NEGR1: variants seen among roughly 807,000 people sequenced by gnomAD.
NEGR1 encodes the protein IgLON family member 4.
Under a neutral mutation model 40.9 loss-of-function variants are expected in NEGR1, and 10 were observed. The observed-to-expected ratio is 0.24, with a 90% CI of 0.15 to 0.42. The LOEUF (loss-of-function observed/expected upper bound fraction) is 0.42. Among genes scored for constraint, NEGR1 ranks in the 10% least tolerant of loss-of-function variants. The pLI is 1.00. For synonymous variants in NEGR1, 185 were observed against 166.8 expected (o/e 1.11, Z -0.84); for missense variants, 352 against 438.9 (o/e 0.80, Z 1.77).
chr1:72,252,763 G>C (rs998863053), intron 1 of NEGR1, among the ~76,000 whole-genome samples: 1 of 152,054 alleles, frequency 6.6e-6, no homozygotes, highest in Non-Finnish European at 1.5e-5. Flanking sequence ...TGTCCATTTG[G>C]GGGTACAGAC....
intron 3 of NEGR1, among the ~76,000 whole-genome samples, chr1:71,724,501 T>C (rs1654610921): frequency 6.6e-6 from 1 of 152,220 alleles, no homozygotes; most frequent in African/African-American, 2.4e-5. Context: ...TTCTTGCTTC[T>C]TTGCATTCCT....
At chr1:71,896,603 T>G (rs1439494573) in intron 2 of NEGR1, among the ~76,000 whole-genome samples, 1 of 152,194 alleles carries the variant, frequency 6.6e-6, no homozygotes, top group East Asian at 1.9e-4. Context: ...TTGTCAAATC[T>G]AAAAAACCAT....
chr1:72,282,491 C>G lies in NEGR1; in HGVS notation c.4G>C (p.Asp2His). The G allele has an allele frequency of 2.5e-6, 4 of 1,611,818 alleles. No homozygotes were observed. The South Asian group carries it at 3.3e-5, about 13-fold the overall frequency. M[D>H]MMLLVQGACC... Reference sequence around the variant, plus strand: ...GCACCCTGCACCAACAGCATCATGTCCATCCCTGCTAGGGCTGCTCACTCT... The same window carrying G: ...GCACCCTGCACCAACAGCATCATGTGCATCCCTGCTAGGGCTGCTCACTCT... Residue 2 changes from aspartate to histidine, a missense_variant, in exon 1 of 7, where the codon GAC becomes CAC. Coordinates refer to ENST00000357731, the MANE Select transcript of NEGR1 (RefSeq NM_173808.3).
At chr1:71,821,131 A>C (rs1289225854) in intron 2 of NEGR1, among the ~76,000 whole-genome samples, 1 of 152,024 alleles carries the variant, frequency 6.6e-6, no homozygotes, top group African/African-American at 2.4e-5. Context: ...ATTAATTTAT[A>C]GTTTTGCCTC....
At chr1:72,112,263 GT>G (rs200271583) in intron 1 of NEGR1, among the ~76,000 whole-genome samples, 1 of 125,570 alleles carries the variant, frequency 8.0e-6, no homozygotes, top group African/African-American at 3.3e-5. Context: ...ACACTTTTAC[GT>G]TTAAAAAAAA....
chr1:71,699,408 A>G (rs1653603975), intron 3 of NEGR1, among the ~76,000 whole-genome samples: 1 of 151,838 alleles, frequency 6.6e-6, no homozygotes, highest in South Asian at 2.1e-4. Flanking sequence ...ATTAAGTCGT[A>G]TTTCCATTTA....
intron 3 of NEGR1, among the ~76,000 whole-genome samples, chr1:71,724,482 C>A (rs1353406410): frequency 6.6e-6 from 1 of 152,032 alleles, no homozygotes; most frequent in African/African-American, 2.4e-5. Flanking sequence ...CCTCTTTTTG[C>A]ATCATATTTT....
chr1:72,002,546 G>A (rs1202631516), intron 1 of NEGR1, among the ~76,000 whole-genome samples: 5 of 151,992 alleles, frequency 3.3e-5, no homozygotes, highest in Admixed American at 6.6e-5. Context: ...ATAACCATTA[G>A]AGAACAGTAA....
rs545598020 is a variant in NEGR1, at chr1:71,590,707, T to C, written c.940+2110A>G. 1.8e-4 allele frequency among the ~76,000 whole-genome samples: 28 copies of C among 152,278 alleles called. No individual in the cohort carries two copies. In the South Asian group the frequency reaches 5.6e-3, roughly 30 times the overall value. On this transcript the variant is annotated intron_variant, in intron 6 of 6. Coordinates refer to ENST00000357731, the MANE Select transcript of NEGR1 (RefSeq NM_173808.3). Reference sequence around the variant, plus strand: ...TGTGAGAATTAAATGAACAAGTTTATATAAAAAATAAGAATAGGGTCTGTT... The same window carrying C: ...TGTGAGAATTAAATGAACAAGTTTACATAAAAAATAAGAATAGGGTCTGTT...
At chr1:72,150,798 A>T (rs955818105) in intron 1 of NEGR1, among the ~76,000 whole-genome samples, 1 of 152,118 alleles carries the variant, frequency 6.6e-6, no homozygotes, top group African/African-American at 2.4e-5. Context: ...AAGCCAAAAA[A>T]TGGTAATTTT....
chr1:71,884,423 A>G (rs1660668308), intron 2 of NEGR1, among the ~76,000 whole-genome samples: 1 of 152,172 alleles, frequency 6.6e-6, no homozygotes, highest in Admixed American at 6.6e-5. Flanking sequence ...GATCATTCAA[A>G]TATTAGTTCA....
intron 2 of NEGR1, among the ~76,000 whole-genome samples, chr1:71,825,871 T>C (rs1403461802): frequency 6.6e-6 from 1 of 151,988 alleles, no homozygotes; most frequent in Non-Finnish European, 1.5e-5. Flanking sequence ...TTTAGTATTG[T>C]GACATGTATC....
intron 6 of NEGR1, among the ~76,000 whole-genome samples, chr1:71,435,353 G>A (rs909792760): frequency 6.6e-6 from 1 of 152,024 alleles, no homozygotes; most frequent in Non-Finnish European, 1.5e-5. Context: ...GCCAGCAAAG[G>A]GTGGTTTGAT....
chr1:71,990,972 C>A (rs1646445865), intron 1 of NEGR1, among the ~76,000 whole-genome samples: 1 of 150,884 alleles, frequency 6.6e-6, no homozygotes, highest in South Asian at 2.1e-4. Context: ...TCACTGTGTC[C>A]AATTGAACAG....
chr1:71,590,339 C>A (rs1157673811), intron 6 of NEGR1, among the ~76,000 whole-genome samples: 2 of 152,116 alleles, frequency 1.3e-5, no homozygotes, highest in African/African-American at 4.8e-5. Context: ...GATAAAAGTT[C>A]TTTCATGACC....
intron 1 of NEGR1, among the ~76,000 whole-genome samples, chr1:72,052,440 T>C (rs911612497): frequency 2.0e-5 from 3 of 151,462 alleles, no homozygotes; most frequent in Non-Finnish European, 4.4e-5. Context: ...TCTGGTGTTT[T>C]AGAAAATAGT....
chr1:71,779,029 C>T (rs1656609721), intron 2 of NEGR1, among the ~76,000 whole-genome samples: 1 of 151,946 alleles, frequency 6.6e-6, no homozygotes, highest in Non-Finnish European at 1.5e-5. Context: ...TCCAGGGCCT[C>T]ATAATTCAGG....
intron 1 of NEGR1, among the ~76,000 whole-genome samples, chr1:72,170,609 C>G (rs891483774): frequency 1.3e-5 from 2 of 152,098 alleles, no homozygotes; most frequent in Non-Finnish European, 2.9e-5. Context: ...CCTTGCAAGT[C>G]CTATGTTGAT....
At chr1:71,895,093 G>A (rs1344891108) in intron 2 of NEGR1, among the ~76,000 whole-genome samples, 1 of 152,152 alleles carries the variant, frequency 6.6e-6, no homozygotes, top group African/African-American at 2.4e-5. Context: ...GGAAGCCTTG[G>A]ATAGGAGTGA....
Sources: allele counts gnomAD v4.1 joint callset (sites outside exome capture counted in the v4.1 genomes callset), GRCh38; gene constraint gnomAD v4.1.1; transcripts MANE v1.5; gene names NCBI Gene and HGNC (gene_info 2026-07-23, HGNC 2026-07-21).